LRP1B: variants seen among roughly 807,000 people sequenced by gnomAD.
LRP1B encodes low-density lipoprotein receptor-related protein 1B.
Under a neutral mutation model 556.6 loss-of-function variants are expected in LRP1B, and 217 were observed. That is an observed-to-expected ratio of 0.39 (90% CI 0.35 to 0.44). The LOEUF is 0.44. LRP1B is among the 20% of genes least tolerant of loss of function. The pLI is 1.00. For synonymous variants in LRP1B, 2,047 were observed against 1,865.8 expected (o/e 1.10, Z -2.50); for missense variants, 5,053 against 5,620.8 (o/e 0.90, Z 3.23).
intron 6 of LRP1B, among the ~76,000 whole-genome samples, chr2:141,200,040 G>A (rs977731165): frequency 1.3e-5 from 2 of 152,092 alleles, no homozygotes; most frequent in African/African-American, 4.8e-5. Flanking sequence ...GCTAAAAGTA[G>A]AACTACCATT....
intron 1 of LRP1B, among the ~76,000 whole-genome samples, chr2:141,918,545 CTT>C (rs946503517): frequency 6.6e-6 from 1 of 151,972 alleles, no homozygotes; most frequent in Admixed American, 6.6e-5. Flanking sequence ...AGGGCATACT[CTT>C]TTAAAAATTC....
At chr2:141,727,048 GA>G (rs1173874565) in intron 2 of LRP1B, among the ~76,000 whole-genome samples, 7 of 150,552 alleles carry the variant, frequency 4.6e-5, no homozygotes, top group Middle Eastern at 3.4e-3. Context: ...ACTGACACAG[GA>G]AAAAAAAATT....
chr2:141,675,853 G>T (rs1196533869), intron 2 of LRP1B, among the ~76,000 whole-genome samples: 1 of 151,670 alleles, frequency 6.6e-6, no homozygotes, highest in East Asian at 1.9e-4. Flanking sequence ...TGTTTCCAAC[G>T]TTTGTAATTT....
intron 1 of LRP1B, among the ~76,000 whole-genome samples, chr2:141,892,422 A>G (rs1388159984): frequency 6.6e-6 from 1 of 152,010 alleles, no homozygotes; most frequent in Admixed American, 6.5e-5. Flanking sequence ...ATGGAACTCT[A>G]GCATTAAGAA....
chr2:141,890,353 T>G (rs1699249782), intron 1 of LRP1B, among the ~76,000 whole-genome samples: 1 of 110,628 alleles, frequency 9.0e-6, no homozygotes. Flanking sequence ...TATATATATG[T>G]ATTGTGCATA....
chr2:141,813,369 G>T (rs1431178726), intron 1 of LRP1B, among the ~76,000 whole-genome samples: 2 of 152,054 alleles, frequency 1.3e-5, no homozygotes, highest in Non-Finnish European at 2.9e-5. Flanking sequence ...ATGTCACAGA[G>T]AATATGACAT....
At chr2:140,664,654 C>A (rs1358976662) in intron 41 of LRP1B, among the ~76,000 whole-genome samples, 1 of 151,950 alleles carries the variant, frequency 6.6e-6, no homozygotes, top group Non-Finnish European at 1.5e-5. Flanking sequence ...TAAACAGGAA[C>A]TTTTGAGAAA....
At chr2:140,872,718 A>T (rs1693177720) in intron 25 of LRP1B, among the ~76,000 whole-genome samples, 2 of 151,930 alleles carry the variant, frequency 1.3e-5, no homozygotes, top group Non-Finnish European at 2.9e-5. Context: ...TTCTCTCTGT[A>T]CCTTATGATG....
chr2:140,853,366 GT>G (rs1692519224), intron 27 of LRP1B, among the ~76,000 whole-genome samples: 1 of 151,904 alleles, frequency 6.6e-6, no homozygotes, highest in African/African-American at 2.4e-5. Flanking sequence ...ATTTCTTCAG[GT>G]CTTTATTTCC....
intron 2 of LRP1B, among the ~76,000 whole-genome samples, chr2:141,762,575 G>C (rs1275961829): frequency 1.3e-5 from 2 of 151,960 alleles, no homozygotes; most frequent in Non-Finnish European, 2.9e-5. Context: ...ACTCCGTATA[G>C]TGTGAAAATG....
At chr2:140,615,621 CCA>C (rs1683227466) in intron 41 of LRP1B, among the ~76,000 whole-genome samples, 1 of 152,014 alleles carries the variant, frequency 6.6e-6, no homozygotes. Flanking sequence ...GGGAGAGAGG[CCA>C]CAGATACATT....
chr2:141,362,651 A>T (rs1412962818), intron 3 of LRP1B, among the ~76,000 whole-genome samples: 1 of 152,222 alleles, frequency 6.6e-6, no homozygotes, highest in Non-Finnish European at 1.5e-5. Context: ...TTTCACAGAC[A>T]AAATTGCAAA....
chr2:140,828,028 C>A (rs960226128), intron 31 of LRP1B, among the ~76,000 whole-genome samples: 1 of 151,886 alleles, frequency 6.6e-6, no homozygotes, highest in Non-Finnish European at 1.5e-5. Flanking sequence ...AGCTTTCCTT[C>A]AAACATGAAA....
intron 18 of LRP1B, among the ~76,000 whole-genome samples, chr2:140,968,863 G>A (rs1369346154): frequency 6.6e-6 from 1 of 152,192 alleles, no homozygotes; most frequent in African/African-American, 2.4e-5. Flanking sequence ...TTAATCCTGA[G>A]TTCTACTTTG....
At chr2:140,438,440 C>G (rs1686284382) in intron 66 of LRP1B, among the ~76,000 whole-genome samples, 2 of 152,140 alleles carry the variant, frequency 1.3e-5, no homozygotes, top group African/African-American at 4.8e-5. Context: ...TATAGCTTAA[C>G]TGCAGCTTAT....
At chr2:142,119,491 C>T (rs548165853) in intron 1 of LRP1B, among the ~76,000 whole-genome samples, 1 of 152,110 alleles carries the variant, frequency 6.6e-6, no homozygotes, top group South Asian at 2.1e-4. Flanking sequence ...ACTTATAAAC[C>T]TAAACTCTCA....
At chr2:140,541,673 T>G (rs948635229) in intron 44 of LRP1B, 106 bp downstream of exon 44, 1 of 925,054 alleles carries the variant, frequency 1.1e-6, no homozygotes, top group Non-Finnish European at 1.6e-6. Context: ...AATAATATTT[T>G]TTAAAAGAAA....
At chr2:141,567,411 GA>G (rs1435259871) in intron 2 of LRP1B, among the ~76,000 whole-genome samples, 1 of 152,112 alleles carries the variant, frequency 6.6e-6, no homozygotes, top group Non-Finnish European at 1.5e-5. Context: ...CAATAGATAT[GA>G]AAATATTTGT....
chr2:140,278,549 A>G (rs934220381), intron 84 of LRP1B, among the ~76,000 whole-genome samples: 1 of 151,716 alleles, frequency 6.6e-6, no homozygotes, highest in Non-Finnish European at 1.5e-5. Context: ...AATGCGTCCA[A>G]TTTTTTTTCA....
Sources: allele counts gnomAD v4.1 joint callset (sites outside exome capture counted in the v4.1 genomes callset), GRCh38; gene constraint gnomAD v4.1.1; transcripts MANE v1.5; gene names NCBI Gene and HGNC (gene_info 2026-07-23, HGNC 2026-07-21).